PCDHGB1: variants seen among roughly 807,000 people sequenced by gnomAD.
PCDHGB1 encodes protocadherin gamma subfamily B, 1, also known as protocadherin gamma-B1.
In PCDHGB1, 34 loss-of-function variants were observed where a neutral mutation model predicts 56.6. That is an observed-to-expected ratio of 0.60 (90% CI 0.46 to 0.80). The LOEUF (loss-of-function observed/expected upper bound fraction) is 0.80. PCDHGB1 is among the 30% of genes least tolerant of loss of function. The probability of loss-of-function intolerance (pLI) is 0.00; values close to 1 mark genes in which losing one functional copy is unlikely to be tolerated. For missense variants in PCDHGB1, 1,278 were observed against 1,204.6 expected (o/e 1.06, Z -0.90); for synonymous variants, 561 against 505.9 (o/e 1.11, Z -1.46).
chr5:141,414,040 C>T, intron 1 of PCDHGB1: 2 of 1,611,438 alleles, frequency 1.2e-6, no homozygotes, highest in Non-Finnish European at 1.7e-6. Context: ...CCGAAAATTA[C>T]CTGACACGCA....
At position 141,372,146 on chromosome 5, in the gene PCDHGB1, T is replaced by C. The variant is rs371379465; in HGVS notation, c.2409+19477T>C. The C allele has an allele frequency of 1.2e-4, 200 of 1,613,738 alleles. 1 individual carries two copies. In the South Asian group the frequency reaches 2.0e-3, roughly 16 times the overall value. ...ATATGGTGCCGCGCTCTGCAGAGCC[T>C]GGCTACCTGGTGACCAAGGTGGTGG... On this transcript the variant is annotated intron_variant, in intron 1 of 3. Coordinates refer to ENST00000523390, the MANE Select transcript of PCDHGB1 (RefSeq NM_018922.3).
chr5:141,420,256 T>C (rs377440259), intron 1 of PCDHGB1: 2 of 1,569,010 alleles, frequency 1.3e-6, no homozygotes, highest in Non-Finnish European at 1.7e-6. Flanking sequence ...TTGAAGCAGA[T>C]AAGAAGATTC....
chr5:141,439,904 C>T (rs1175032042), intron 1 of PCDHGB1: 2 of 152,364 alleles, frequency 1.3e-5, no homozygotes, highest in East Asian at 1.9e-4. Context: ...GCGACTACTG[C>T]CTCCTTTCCT....
chr5:141,360,108 T>A, intron 1 of PCDHGB1: 1 of 1,555,128 alleles, frequency 6.4e-7, no homozygotes. Context: ...ATTCCTCCTA[T>A]GGGCAAAGGA....
intron 1 of PCDHGB1, chr5:141,419,822 T>A: frequency 6.2e-7 from 1 of 1,614,058 alleles, no homozygotes; most frequent in Non-Finnish European, 8.5e-7. Flanking sequence ...GCCACCCCTT[T>A]CAGCCACTGC....
At chr5:141,398,415 C>T (rs2093654537) in intron 1 of PCDHGB1, 2 of 1,487,146 alleles carry the variant, frequency 1.3e-6, no homozygotes, top group Non-Finnish European at 1.9e-6. Context: ...AGGAGATATG[C>T]GGGAAGAAGC....
chr5:141,408,311 A>C (rs1467917610), intron 1 of PCDHGB1: 1 of 1,613,650 alleles, frequency 6.2e-7, no homozygotes, highest in African/African-American at 1.3e-5. Context: ...CCGCTACTCG[A>C]TTCCGGAGGA....
At chr5:141,378,101 A>C (rs1018772587) in intron 1 of PCDHGB1, 21 of 152,208 alleles carry the variant, frequency 1.4e-4, no homozygotes, top group Admixed American at 1.0e-3. Flanking sequence ...TCAAACTCTA[A>C]AGCAGCATAG....
chr5:141,409,868 A>C (rs2095328786), intron 1 of PCDHGB1: 2 of 1,612,688 alleles, frequency 1.2e-6, no homozygotes, highest in Admixed American at 1.7e-5. Flanking sequence ...GGGAGACCGC[A>C]ATGACAACGC....
chr5:141,443,226 A>T (rs2098374954), intron 1 of PCDHGB1, among the ~76,000 whole-genome samples: 1 of 152,042 alleles, frequency 6.6e-6, no homozygotes, highest in Non-Finnish European at 1.5e-5. Flanking sequence ...CGCATCTATA[A>T]TCTTAGCACT....
chr5:141,366,636 T>A lies in PCDHGB1; in HGVS notation c.2409+13967T>A, dbSNP rs374724936. On this transcript the variant is annotated intron_variant, in intron 1 of 3. Coordinates refer to ENST00000523390, the MANE Select transcript of PCDHGB1 (RefSeq NM_018922.3). The stretch of plus-strand genomic sequence containing the variant: ...GCGGACTCGAGGAAGAGTCACCTGA[T>A]CTTTCCCCAGCCCAACTACGCAGAC... 1.5e-5 allele frequency: 24 copies of A among 1,614,122 alleles called. No homozygotes were observed. In the African/African-American group the frequency reaches 2.7e-4, roughly 18 times the overall value.
At chr5:141,421,089 T>A (rs1047424267) in intron 1 of PCDHGB1, 25 of 661,836 alleles carry the variant, frequency 3.8e-5, no homozygotes, top group Middle Eastern at 4.1e-4. Context: ...TCACAGATCC[T>A]GACACTGGAG....
In PCDHGB1 at chr5:141,512,264, C is replaced by G. The variant is rs1453959730; in HGVS notation, c.*1091C>G. 6.5e-6 allele frequency: 1 copy of G among 152,684 alleles called. No homozygotes were observed. The highest frequency in any genetic ancestry group is 1.5e-5 in the Non-Finnish European group (1 of 68,096). 9.5% of individuals were successfully genotyped at this position (152,684 alleles called of 1,614,324 possible). ...GGGGCCTCTGTGGGTGCTGGGTACTCCAGAGGTGCCACTGGTGGAAGGGTC... is the reference window on the plus strand; with the variant it reads ...GGGGCCTCTGTGGGTGCTGGGTACTGCAGAGGTGCCACTGGTGGAAGGGTC... On this transcript the variant is annotated 3_prime_UTR_variant, in exon 4 of 4. Transcript: ENST00000523390.
At chr5:141,404,323 C>G (rs777252767) in intron 1 of PCDHGB1, 24 of 1,613,756 alleles carry the variant, frequency 1.5e-5, no homozygotes, top group Non-Finnish European at 2.0e-5. Flanking sequence ...AAGCCTCCTA[C>G]TCAGTCTACC....
chr5:141,431,642 G>A lies in PCDHGB1; in HGVS notation c.2410-63165G>A, dbSNP rs762914489. The A allele has an allele frequency of 6.2e-7, 1 of 1,614,272 alleles. No homozygotes were observed. The highest frequency in any genetic ancestry group is 1.1e-5 in the South Asian group (1 of 91,090). On this transcript the variant is annotated intron_variant, in intron 1 of 3. Transcript: ENST00000523390. This position sits in a 1 kb window ranked among gnomAD's most constrained non-coding sequence, Gnocchi z 4.8. ...CAAGGCGGCCCAAGTTTTCAAACTA[G>A]ATTGTAATTCAGGGACAATATCAAC... is the stretch of plus-strand genomic sequence containing the variant.
In PCDHGB1 at chr5:141,476,208, C is replaced by A. The variant is rs1266601125; in HGVS notation, c.2410-18599C>A. 1.2e-6 allele frequency: 2 copies of A among 1,613,912 alleles called. No homozygotes were observed. Among genetic ancestry groups the A allele is most frequent in the East Asian group, 4.5e-5 (2 of 44,826 alleles). On this transcript the variant is annotated intron_variant, in intron 1 of 3. Coordinates refer to ENST00000523390, the MANE Select transcript of PCDHGB1 (RefSeq NM_018922.3). The surrounding 1 kb of genome is among the most constrained non-coding windows in gnomAD (Gnocchi z 7.6). ...CTTGGTGCCTTGAACAAGGCTTCCA[C>A]GGTCATTCACTATGAGATCCCGGAG...
In PCDHGB1 at chr5:141,448,771, T is replaced by C. The variant is rs564309379; in HGVS notation, c.2410-46036T>C. Among the ~76,000 whole-genome samples the C allele has an allele frequency of 6.6e-4, 100 of 151,738 alleles. 1 individual carries two copies. The highest frequency in any genetic ancestry group is 6.8e-3 in the Middle Eastern group (2 of 294). On this transcript the variant is annotated intron_variant, in intron 1 of 3. Coordinates refer to ENST00000523390, the MANE Select transcript of PCDHGB1 (RefSeq NM_018922.3). ...CTGGCTAACACGGTGAAACCCCGTCTGTACTAAAAATACAAAAAAAAAAAT... is the reference window on the plus strand; with the variant it reads ...CTGGCTAACACGGTGAAACCCCGTCCGTACTAAAAATACAAAAAAAAAAAT...
At chr5:141,388,083 C>G in intron 1 of PCDHGB1, 9 of 1,358,266 alleles carry the variant, frequency 6.6e-6, no homozygotes, top group Non-Finnish European at 9.1e-6. Context: ...TCGAAAACTG[C>G]GCGTCAGTTC....
chr5:141,365,827 G>A (rs746773273), intron 1 of PCDHGB1: 1 of 1,613,872 alleles, frequency 6.2e-7, no homozygotes, highest in Admixed American at 1.7e-5. Context: ...TTCAGGGGGC[G>A]CCCTTGTCCT....
Sources: allele counts gnomAD v4.1 joint callset (sites outside exome capture counted in the v4.1 genomes callset), GRCh38; gene constraint gnomAD v4.1.1; non-coding constraint Gnocchi (gnomAD v3.1); transcripts MANE v1.5; gene names NCBI Gene and HGNC (gene_info 2026-07-23, HGNC 2026-07-21).